Variants in SLC9A9 observed in about 807,000 individuals in gnomAD.
SLC9A9 encodes the protein solute carrier family 9 member A9, also known as sodium/hydrogen exchanger 9.
In SLC9A9, 62 loss-of-function variants were observed where a neutral mutation model predicts 77.8. The ratio of observed to expected loss-of-function variants is 0.80; its 90% confidence interval spans 0.65 to 0.98. The LOEUF is 0.98. Ranked by LOEUF, SLC9A9 falls within the 50% of genes least tolerant of loss-of-function variation. The pLI is 0.00. For synonymous variants in SLC9A9, 320 were observed against 283.5 expected, an observed-to-expected ratio of 1.13 and a Z score of -1.29; for missense variants, 775 against 774.9, an observed-to-expected ratio of 1.00 and a Z score of 0.00.
intron 4 of SLC9A9, among the ~76,000 whole-genome samples, chr3:143,737,169 C>T (rs150333227): frequency 2.0e-5 from 3 of 152,222 alleles, no homozygotes; most frequent in Admixed American, 6.5e-5. Flanking sequence ...AGATCTCTTT[C>T]GTCACGAAAA....
intron 4 of SLC9A9, among the ~76,000 whole-genome samples, chr3:143,701,586 G>T (rs9825562): frequency 0.67 from 101,499 of 151,798 alleles, 34,388 homozygotes; most frequent in East Asian, 0.88. Context: ...TGAGCTCAAA[G>T]ACAGGATATT....
chr3:143,488,893 C>T (rs1289933567), intron 11 of SLC9A9, among the ~76,000 whole-genome samples: 3 of 151,618 alleles, frequency 2.0e-5, no homozygotes, highest in Non-Finnish European at 4.4e-5. Flanking sequence ...CTAGCCAGAG[C>T]AATTAATCAT....
chr3:143,810,359 C>G lies in SLC9A9; in HGVS notation c.379-13456G>C, dbSNP rs76501477. ...GAAGAAATATCAGTGTTCCACTGAA[C>G]TACTAAATAAATAATCACTAAAACA... On this transcript the variant is annotated intron_variant, in intron 2 of 15. Coordinates refer to ENST00000316549, the MANE Select transcript of SLC9A9 (RefSeq NM_173653.4). Among the ~76,000 whole-genome samples the G allele has an allele frequency of 4.6e-5, 7 of 152,328 alleles. No individual in the cohort carries two copies. In the East Asian group the frequency reaches 1.3e-3, roughly 29 times the overall value.
intron 6 of SLC9A9, among the ~76,000 whole-genome samples, chr3:143,651,802 C>A (rs1431024519): frequency 6.6e-6 from 1 of 152,224 alleles, no homozygotes; most frequent in African/African-American, 2.4e-5. Context: ...CATTCCTATA[C>A]AGCATTACCT....
chr3:143,582,777 T>C (rs561297003), intron 6 of SLC9A9, among the ~76,000 whole-genome samples: 63 of 152,124 alleles, frequency 4.1e-4, no homozygotes, highest in African/African-American at 1.4e-3. Context: ...TCAGCTTGAG[T>C]TGCATCTCTT....
chr3:143,687,161 C>A (rs1468165043), intron 5 of SLC9A9, among the ~76,000 whole-genome samples: 1 of 152,042 alleles, frequency 6.6e-6, no homozygotes, highest in African/African-American at 2.4e-5. Context: ...GGCTGAGAGT[C>A]TGAAATGTGC....
At chr3:143,702,272 T>C (rs565316161) in intron 4 of SLC9A9, among the ~76,000 whole-genome samples, 3 of 152,292 alleles carry the variant, frequency 2.0e-5, no homozygotes, top group East Asian at 1.9e-4. Context: ...CAGACTATTA[T>C]AACACTGTGT....
rs557533988 is a variant in SLC9A9 at position 143,346,793 on chromosome 3, CA to C, written c.1604+16690del. On this transcript the variant is annotated intron_variant, in intron 14 of 15. Transcript: ENST00000316549. ...GGGCAACAAGAGTGAAACTCCGTCT[CA>C]AAAAAACAAAAACCAAAAGTTTGGT... Among the ~76,000 whole-genome samples the C allele has an allele frequency of 1.6e-4, 24 of 150,668 alleles. No homozygotes were observed. In the South Asian group the frequency reaches 5.0e-3, roughly 32 times the overall value.
At chr3:143,284,455 A>T (rs1165488571) in intron 14 of SLC9A9, among the ~76,000 whole-genome samples, 1 of 151,770 alleles carries the variant, frequency 6.6e-6, no homozygotes, top group Non-Finnish European at 1.5e-5. Context: ...GGAATTGGGA[A>T]GGCTGAATTG....
chr3:143,281,824 G>T (rs1229614884), intron 14 of SLC9A9, among the ~76,000 whole-genome samples: 1 of 152,164 alleles, frequency 6.6e-6, no homozygotes, highest in African/African-American at 2.4e-5. Flanking sequence ...GAGATCAGAG[G>T]CCTCCATCAC....
intron 6 of SLC9A9, among the ~76,000 whole-genome samples, chr3:143,595,252 T>C (rs866320979): frequency 2.0e-5 from 3 of 152,080 alleles, no homozygotes; most frequent in South Asian, 4.1e-4. Flanking sequence ...AAAATCATAT[T>C]TCTTTTGGCT....
intron 5 of SLC9A9, among the ~76,000 whole-genome samples, chr3:143,685,801 A>G (rs529162346): frequency 6.6e-6 from 1 of 152,312 alleles, no homozygotes; most frequent in South Asian, 2.1e-4. Context: ...TAGAAAAAAC[A>G]CACGATTATA....
intron 2 of SLC9A9, among the ~76,000 whole-genome samples, chr3:143,808,256 G>A (rs2008776075): frequency 1.3e-5 from 2 of 152,200 alleles, no homozygotes; most frequent in Admixed American, 1.3e-4. Flanking sequence ...AATCAGACAT[G>A]ATTAAACTCC....
At chr3:143,416,944 C>A (rs1464254606) in intron 12 of SLC9A9, among the ~76,000 whole-genome samples, 5 of 152,148 alleles carry the variant, frequency 3.3e-5, no homozygotes, top group African/African-American at 1.2e-4. Context: ...TAAATGCCAT[C>A]TTGCTTGAGT....
chr3:143,384,825 G>A (rs899774250), intron 12 of SLC9A9, among the ~76,000 whole-genome samples: 6 of 126,326 alleles, frequency 4.7e-5, no homozygotes, highest in Non-Finnish European at 7.2e-5. Context: ...GGGTGAACAC[G>A]GTCCTTGCCC....
At chr3:143,785,513 G>C (rs2008020565) in intron 4 of SLC9A9, among the ~76,000 whole-genome samples, 1 of 152,224 alleles carries the variant, frequency 6.6e-6, no homozygotes, top group African/African-American at 2.4e-5. Context: ...CCTCAGATGA[G>C]AACCACAGAA....
rs551665207 is a variant in SLC9A9, at chr3:143,561,432, G to GAA, written c.1001-8984_1001-8983dup. 1.2e-4 allele frequency among the ~76,000 whole-genome samples: 19 copies of GAA among 152,100 alleles called. No homozygotes were observed. In the East Asian group the frequency reaches 3.5e-3, roughly 28 times the overall value. On this transcript the variant is annotated intron_variant, in intron 8 of 15. Coordinates refer to ENST00000316549, the MANE Select transcript of SLC9A9 (RefSeq NM_173653.4). ...CATAAAAATAGACCCAATGTAAGCA[G>GAA]AAAAAACTTAACCAAGAAAAATGAA...
At chr3:143,738,539 A>G (rs933784849) in intron 4 of SLC9A9, among the ~76,000 whole-genome samples, 7 of 152,172 alleles carry the variant, frequency 4.6e-5, no homozygotes, top group African/African-American at 1.7e-4. Flanking sequence ...TACTCCAGCA[A>G]CCAATCCTCC....
chr3:143,679,856 T>G (rs982348590), intron 5 of SLC9A9, among the ~76,000 whole-genome samples: 3 of 151,790 alleles, frequency 2.0e-5, no homozygotes, highest in African/African-American at 7.3e-5. Context: ...CTAAATACAC[T>G]TAAAGAGACA....
Sources: gnomAD v4.1 joint callset for allele counts (sites outside exome capture counted in the v4.1 genomes callset) on GRCh38, gnomAD v4.1.1 for gene constraint, MANE v1.5 for transcripts, NCBI Gene and HGNC (gene_info 2026-07-23, HGNC 2026-07-21) for gene names.